PRKCE: variants seen among roughly 807,000 people sequenced by gnomAD.
PRKCE encodes protein kinase C epsilon type.
Under a neutral mutation model 85.4 loss-of-function variants are expected in PRKCE, and 16 were observed. The observed-to-expected ratio is 0.19, with a 90% CI of 0.13 to 0.28. PRKCE has a LOEUF of 0.28. Ranked by LOEUF, PRKCE falls within the 10% of genes least tolerant of loss-of-function variation. The probability of loss-of-function intolerance (pLI) is 1.00; values close to 1 mark genes in which losing one functional copy is unlikely to be tolerated. For synonymous variants in PRKCE, 388 were observed against 371.5 expected, an observed-to-expected ratio of 1.04 and a Z score of -0.51; for missense variants, 573 against 975.2, an observed-to-expected ratio of 0.59 and a Z score of 5.49.
chr2:45,970,632 C>T (rs899585839), intron 2 of PRKCE, among the ~76,000 whole-genome samples: 2 of 152,006 alleles, frequency 1.3e-5, no homozygotes, highest in African/African-American at 2.4e-5. Context: ...GGGTGAAAAT[C>T]AGAAACTACA....
Position 46,074,429 on chromosome 2 carries a change from CAAAAAAA to C in PRKCE, c.1438-11766_1438-11760del, listed in dbSNP as rs11287357. Among the ~76,000 whole-genome samples, 157 of 93,862 alleles carry C rather than the reference CAAAAAAA, an allele frequency of 1.7e-3. 4 individuals carry two copies. The highest frequency in any genetic ancestry group is 5.2e-3 in the African/African-American group (125 of 23,882). The allele number at this position is 93,862 out of a possible 152,430, so 61.6% of individuals were successfully genotyped here. A position where few individuals can be genotyped will look rare whatever the true frequency, so the allele number is the denominator to read the frequency against. On this transcript the variant is annotated intron_variant, in intron 10 of 14. Coordinates refer to ENST00000306156, the MANE Select transcript of PRKCE (RefSeq NM_005400.3). ...AAACAAACAAACAAACAACAACAAC[CAAAAAAA>C]AAAAAAAAAAAAGAAAAACACGGAT...
intron 6 of PRKCE, among the ~76,000 whole-genome samples, chr2:45,994,740 A>T (rs983369963): frequency 2.6e-5 from 4 of 152,244 alleles, no homozygotes; most frequent in African/African-American, 9.6e-5. Context: ...TACAACTGCT[A>T]TAAACATCCA....
rs187408304 is a variant in PRKCE at position 45,852,764 on chromosome 2, A to C, written c.412+9701A>C. Among the ~76,000 whole-genome samples, 696 of 152,356 alleles carry C rather than the reference A, an allele frequency of 4.6e-3. 3 individuals carry two copies. The highest frequency in any genetic ancestry group is 4.5e-3 in the Non-Finnish European group (305 of 68,032). ...CAGATCTCAATGCAGAAATTATTTTATTTAAGTCTAAATGGATCTGCCAGG... is the reference window on the plus strand; with the variant it reads ...CAGATCTCAATGCAGAAATTATTTTCTTTAAGTCTAAATGGATCTGCCAGG... On this transcript the variant is annotated intron_variant, in intron 2 of 14. Transcript: ENST00000306156.
At chr2:45,757,624 A>G (rs1166466307) in intron 1 of PRKCE, among the ~76,000 whole-genome samples, 1 of 152,020 alleles carries the variant, frequency 6.6e-6, no homozygotes, top group East Asian at 1.9e-4. Context: ...CATGATCACA[A>G]CACTGCACTC....
rs1704989478 is a variant in PRKCE at position 46,004,417 on chromosome 2, T to G, written c.967-125T>G. The G allele has an allele frequency of 1.3e-6, 1 of 790,988 alleles. No individual in the cohort carries two copies. Among genetic ancestry groups the G allele is most frequent in the South Asian group, 1.6e-5 (1 of 61,704 alleles). The allele number at this position is 790,988 out of a possible 1,614,324, so 49.0% of individuals were successfully genotyped here. On this transcript the variant is annotated intron_variant, in intron 7 of 14. Transcript: ENST00000306156. The surrounding 1 kb of genome is among the most constrained non-coding windows in gnomAD (Gnocchi z 4.1). ...GGCGATGGCTGCAAGAGGACAGAGATCTACTGAATTCCTGCTGCTCTGGGA... is the reference window on the plus strand; with the variant it reads ...GGCGATGGCTGCAAGAGGACAGAGAGCTACTGAATTCCTGCTGCTCTGGGA...
chr2:45,968,823 C>T (rs939285097), intron 2 of PRKCE, among the ~76,000 whole-genome samples: 5 of 151,912 alleles, frequency 3.3e-5, no homozygotes, highest in Non-Finnish European at 5.9e-5. Context: ...CTTCAATGAC[C>T]AGACTGGCCA....
intron 11 of PRKCE, among the ~76,000 whole-genome samples, chr2:46,110,992 G>T (rs1031631880): frequency 6.6e-6 from 1 of 152,076 alleles, no homozygotes. Flanking sequence ...CAAATAATTA[G>T]ATATTTTCCA....
At chr2:46,027,104 G>A (rs1707171363) in intron 10 of PRKCE, among the ~76,000 whole-genome samples, 1 of 152,152 alleles carries the variant, frequency 6.6e-6, no homozygotes, top group South Asian at 2.1e-4. Context: ...AGGAAGTCAA[G>A]GCTGCAGTGA....
At chr2:45,940,617 TACACTCTGTTCACACAGCGC>T (rs2104203397) in intron 2 of PRKCE, among the ~76,000 whole-genome samples, 1 of 152,204 alleles carries the variant, frequency 6.6e-6, no homozygotes, top group East Asian at 1.9e-4. Flanking sequence ...GGTCCACACA[TACACTCTGTTCACACAGCGC>T]ACACTCTTGC....
At chr2:46,038,096 C>A (rs1218577719) in intron 10 of PRKCE, among the ~76,000 whole-genome samples, 1 of 152,174 alleles carries the variant, frequency 6.6e-6, no homozygotes, top group Non-Finnish European at 1.5e-5. Context: ...AGAAGGAGAG[C>A]AGTTGAGTGT....
At chr2:45,837,143 G>C (rs750697576) in intron 1 of PRKCE, among the ~76,000 whole-genome samples, 17 of 152,272 alleles carry the variant, frequency 1.1e-4, no homozygotes, top group Admixed American at 2.0e-4. Context: ...GCAGCCTGGA[G>C]ATCAGCATAG....
chr2:45,916,713 C>G (rs1003922340), intron 2 of PRKCE, among the ~76,000 whole-genome samples: 2 of 152,124 alleles, frequency 1.3e-5, no homozygotes, highest in Non-Finnish European at 2.9e-5. Flanking sequence ...ACAATAAAGC[C>G]CGATTACAGA....
chr2:45,823,486 T>A (rs1414705840), intron 1 of PRKCE, among the ~76,000 whole-genome samples: 1 of 152,206 alleles, frequency 6.6e-6, no homozygotes, highest in Non-Finnish European at 1.5e-5. Context: ...GAGAGTGACT[T>A]GACTTTCAAG....
intron 10 of PRKCE, among the ~76,000 whole-genome samples, chr2:46,037,526 G>A (rs143946511): frequency 2.2e-4 from 33 of 152,262 alleles, no homozygotes; most frequent in African/African-American, 6.3e-4. Flanking sequence ...TCAGGCGAAC[G>A]CTTCCATCCC....
chr2:45,928,394 A>T (rs915974757), intron 2 of PRKCE, among the ~76,000 whole-genome samples: 1 of 152,130 alleles, frequency 6.6e-6, no homozygotes, highest in Non-Finnish European at 1.5e-5. Flanking sequence ...CAGCTTCCCG[A>T]GTAGCTGGGA....
chr2:46,169,723 G>A (rs1458833394), intron 14 of PRKCE, among the ~76,000 whole-genome samples: 1 of 152,206 alleles, frequency 6.6e-6, no homozygotes, highest in Non-Finnish European at 1.5e-5. Flanking sequence ...ATCAGCTAGT[G>A]TTGGCAGTAA....
At chr2:45,769,642 G>A (rs1422636790) in intron 1 of PRKCE, among the ~76,000 whole-genome samples, 2 of 152,196 alleles carry the variant, frequency 1.3e-5, no homozygotes, top group South Asian at 4.1e-4. Context: ...TCTATTTCAT[G>A]AGTTTGTAAG....
chr2:46,022,054 T>C (rs1706716932), intron 10 of PRKCE, among the ~76,000 whole-genome samples: 1 of 152,214 alleles, frequency 6.6e-6, no homozygotes, highest in Non-Finnish European at 1.5e-5. Flanking sequence ...TGCTCTGATT[T>C]TGAAGACTTT....
chr2:45,858,745 C>G (rs1692887534), intron 2 of PRKCE, among the ~76,000 whole-genome samples: 1 of 152,092 alleles, frequency 6.6e-6, no homozygotes, highest in African/African-American at 2.4e-5. Context: ...TTGAGCTTTA[C>G]TTAAATAGTA....
Sources: allele counts gnomAD v4.1 joint callset (sites outside exome capture counted in the v4.1 genomes callset), GRCh38; gene constraint gnomAD v4.1.1; non-coding constraint Gnocchi (gnomAD v3.1); transcripts MANE v1.5; gene names NCBI Gene and HGNC (gene_info 2026-07-23, HGNC 2026-07-21).